RRM1: variants seen among roughly 807,000 people sequenced by gnomAD.
RRM1 encodes ribonucleotide reductase catalytic subunit M1, also known as ribonucleoside-diphosphate reductase large subunit.
In RRM1, 19 loss-of-function variants were observed where a neutral mutation model predicts 101.5. The observed-to-expected ratio is 0.19, with a 90% CI of 0.13 to 0.27. The LOEUF is 0.27. Among genes scored for constraint, RRM1 ranks in the 10% least tolerant of loss-of-function variants. The probability of loss-of-function intolerance (pLI) is 1.00; values close to 1 mark genes in which losing one functional copy is unlikely to be tolerated. For synonymous variants in RRM1, 298 were observed against 323.4 expected (o/e 0.92, Z 0.84); for missense variants, 500 against 962.9 (o/e 0.52, Z 6.36).
intron 1 of RRM1, among the ~76,000 whole-genome samples, chr11:4,097,064 C>T (rs2094544590): frequency 6.6e-6 from 1 of 151,698 alleles, no homozygotes; most frequent in Non-Finnish European, 1.5e-5. Flanking sequence ...GTGGGTGGAT[C>T]ATTTGAGGTG....
intron 5 of RRM1, among the ~76,000 whole-genome samples, chr11:4,111,158 T>C (rs1183024742): frequency 2.0e-5 from 3 of 152,082 alleles, no homozygotes; most frequent in Non-Finnish European, 4.4e-5. Flanking sequence ...AGGGAGACCA[T>C]GTCTCTACAA....
intron 15 of RRM1, among the ~76,000 whole-genome samples, chr11:4,129,830 C>G (rs749011032): frequency 1.3e-5 from 2 of 151,500 alleles, no homozygotes; most frequent in African/African-American, 4.8e-5. Context: ...AAAAAATAAC[C>G]GTTTGCCTTA....
rs781725755 is a variant in RRM1, at chr11:4,095,035, AG to A, written c.19+11del. ...GCGATGCATGTGATCAAGCGAGGTG[AG>A]GGGGGGACGAGGTGGGCGAGAAGGA... On this transcript the variant is annotated splice_donor_5th_base_variant and intron_variant, in intron 1 of 18. Transcript: ENST00000300738. The A allele has an allele frequency of 7.6e-6, 12 of 1,569,472 alleles. No homozygotes were observed. The highest frequency in any genetic ancestry group is 2.4e-5 in the East Asian group (1 of 42,420).
intron 7 of RRM1, among the ~76,000 whole-genome samples, chr11:4,114,132 C>T (rs1289004911): frequency 6.7e-6 from 1 of 149,076 alleles, no homozygotes; most frequent in African/African-American, 2.5e-5. Flanking sequence ...GAGACTCCGT[C>T]TCCAAAAAAG....
chr11:4,138,449 T>C lies in RRM1; in HGVS notation c.*66T>C. ...ACTACTTCTTGAGCATAGATAGGTA[T>C]AGTGGGTTTGCTTGAGGTGGTAAGG... On this transcript the variant is annotated 3_prime_UTR_variant, in exon 19 of 19. Coordinates refer to ENST00000300738, the MANE Select transcript of RRM1 (RefSeq NM_001033.5). The C allele has an allele frequency of 7.7e-7, 1 of 1,306,226 alleles. No individual in the cohort carries two copies. Among genetic ancestry groups the C allele is most frequent in the Non-Finnish European group, 1.0e-6 (1 of 985,322 alleles). The allele number at this position is 1,306,226 out of a possible 1,614,324, so 80.9% of individuals were successfully genotyped here.
In RRM1 at chr11:4,133,755, T is replaced by A. The variant is rs2094604358; in HGVS notation, c.2001+97T>A. On this transcript the variant is annotated intron_variant, in intron 17 of 18. Transcript: ENST00000300738. ...GACAATGGAGAGAATGACTTCATTGTGTTCATCTAGGTTTTGCTTGTGTAG... is the reference window on the plus strand; with the variant it reads ...GACAATGGAGAGAATGACTTCATTGAGTTCATCTAGGTTTTGCTTGTGTAG... 170 of 684,686 alleles carry A rather than the reference T, an allele frequency of 2.5e-4. 5 individuals carry two copies. The South Asian group carries it at 3.1e-3, about 13-fold the overall frequency. 42.4% of individuals were successfully genotyped at this position (684,686 alleles called of 1,614,324 possible).
At chr11:4,121,836 G>A in intron 10 of RRM1, 71 bp downstream of exon 10, 1 of 1,439,662 alleles carries the variant, frequency 6.9e-7, no homozygotes, top group African/African-American at 1.4e-5. Context: ...GTCATCTTAA[G>A]TCATGCTTAG....
At chr11:4,111,816 G>C (rs973894429) in intron 6 of RRM1, 84 bp from the exon 7 acceptor site, 16 of 1,360,946 alleles carry the variant, frequency 1.2e-5, no homozygotes, top group African/African-American at 2.9e-5. Context: ...TTTCCTTTTG[G>C]TGTCCTTTTC....
intron 12 of RRM1, among the ~76,000 whole-genome samples, chr11:4,124,590 CAG>C (rs1289570527): frequency 2.0e-5 from 3 of 152,120 alleles, no homozygotes; most frequent in African/African-American, 4.8e-5. Flanking sequence ...TTATGCAAGA[CAG>C]ATTATATTAT....
chr11:4,138,344 T>C lies in RRM1; in HGVS notation c.2340T>C (p.Ser780=). 2.5e-6 allele frequency: 4 copies of C among 1,611,192 alleles called. No individual in the cohort carries two copies. Among genetic ancestry groups the C allele is most frequent in the Non-Finnish European group, 3.4e-6 (4 of 1,178,856 alleles). Reference sequence around the variant, plus strand: ...GGAACACAGCAGCCATGGTGTGCTCTTTGGAGAATAGAGATGAATGTCTGA... The same window carrying C: ...GGAACACAGCAGCCATGGTGTGCTCCTTGGAGAATAGAGATGAATGTCTGA... ...KERNTAAMVC[S]LENRDECLMC... Residue 780 remains serine (S), a synonymous_variant, in exon 19 of 19, where the codon TCT becomes TCC. Transcript: ENST00000300738.
At chr11:4,123,690 G>A (rs2094585224) in intron 12 of RRM1, among the ~76,000 whole-genome samples, 1 of 152,170 alleles carries the variant, frequency 6.6e-6, no homozygotes, top group Non-Finnish European at 1.5e-5. Flanking sequence ...ACAAAAATGT[G>A]TTAGGATGTA....
intron 12 of RRM1, among the ~76,000 whole-genome samples, chr11:4,126,313 TA>T (rs2094589410): frequency 1.3e-5 from 2 of 152,232 alleles, no homozygotes. Context: ...TAAATAGATA[TA>T]TGTAGCCAGT....
At chr11:4,109,502 A>G (rs1019536440) in intron 4 of RRM1, 142 bp from the exon 5 acceptor site, 9 of 476,708 alleles carry the variant, frequency 1.9e-5, no homozygotes, top group African/African-American at 1.2e-4. Flanking sequence ...ATGGACTTCT[A>G]TTCTACAGTA....
At chr11:4,105,698 A>G in intron 2 of RRM1, 1 of 385,254 alleles carries the variant, frequency 2.6e-6, no homozygotes, top group South Asian at 1.9e-5. Context: ...ACAGGTGTGT[A>G]CCACCACACC....
At chr11:4,115,540 G>A (rs974653408) in intron 7 of RRM1, among the ~76,000 whole-genome samples, 4 of 150,236 alleles carry the variant, frequency 2.7e-5, no homozygotes, top group African/African-American at 9.8e-5. Context: ...TGCAGACATT[G>A]TGACTCTTGA....
At chr11:4,135,040 C>A (rs758039043) in intron 17 of RRM1, 42 bp from the exon 18 acceptor site, 1 of 1,465,056 alleles carries the variant, frequency 6.8e-7, no homozygotes, top group Non-Finnish European at 9.4e-7. Flanking sequence ...ACACTGCTTT[C>A]TTTAACTGGA....
chr11:4,121,872 A>T (rs1045986821), intron 10 of RRM1, 107 bp downstream of exon 10: 7 of 1,037,668 alleles, frequency 6.7e-6, no homozygotes, highest in Non-Finnish European at 9.8e-6. Context: ...GTGTGATGCC[A>T]CAGAAGGCAT....
At chr11:4,122,880 A>G (rs1241465877) in intron 11 of RRM1, among the ~76,000 whole-genome samples, 1 of 152,018 alleles carries the variant, frequency 6.6e-6, no homozygotes, top group Non-Finnish European at 1.5e-5. Context: ...CTCAAAAAAA[A>G]AAAAAGGAAA....
chr11:4,106,948 C>T (rs1215758581), intron 3 of RRM1, among the ~76,000 whole-genome samples: 2 of 151,620 alleles, frequency 1.3e-5, no homozygotes, highest in African/African-American at 4.8e-5. Context: ...GGCTGGAGTG[C>T]AATGGTGTGA....
Sources: gnomAD v4.1 joint callset for allele counts (sites outside exome capture counted in the v4.1 genomes callset) on GRCh38, gnomAD v4.1.1 for gene constraint, MANE v1.5 for transcripts, NCBI Gene and HGNC (gene_info 2026-07-23, HGNC 2026-07-21) for gene names.